The following SORCS3 variants were observed in gnomAD, a reference collection of about 807,000 sequenced individuals.
SORCS3 encodes the protein sortilin related VPS10 domain containing receptor 3.
SORCS3 carries 57 observed loss-of-function variants against 146.3 expected under a neutral mutation model. The ratio of observed to expected loss-of-function variants is 0.39; its 90% CI spans 0.31 to 0.49. SORCS3 has a LOEUF of 0.49. SORCS3 is among the 20% of genes least tolerant of loss of function. The pLI, the probability that SORCS3 is intolerant of heterozygous loss-of-function variation, is 0.92. For missense variants in SORCS3, 1,341 were observed against 1,575.5 expected (o/e 0.85, Z 2.52); for synonymous variants, 653 against 618.5 (o/e 1.06, Z -0.83).
chr10:104,851,054 A>G (rs1258006338), intron 2 of SORCS3, among the ~76,000 whole-genome samples: 4 of 152,240 alleles, frequency 2.6e-5, no homozygotes, highest in Admixed American at 1.3e-4. Flanking sequence ...GCATCATGCA[A>G]TCTATGAAAG....
intron 1 of SORCS3, among the ~76,000 whole-genome samples, chr10:104,718,698 G>C (rs1390160870): frequency 6.6e-6 from 1 of 152,190 alleles, no homozygotes; most frequent in African/African-American, 2.4e-5. Flanking sequence ...GGTGTGTTGA[G>C]TGTGAGAATT....
intron 14 of SORCS3, among the ~76,000 whole-genome samples, chr10:105,188,168 C>T (rs1205841945): frequency 1.3e-5 from 2 of 152,064 alleles, no homozygotes; most frequent in East Asian, 3.8e-4. Flanking sequence ...GAATAACATG[C>T]CAATGAATCA....
intron 5 of SORCS3, among the ~76,000 whole-genome samples, chr10:105,067,879 C>A (rs140662055): frequency 6.6e-6 from 1 of 151,980 alleles, no homozygotes; most frequent in African/African-American, 2.4e-5. Flanking sequence ...TGCATCTTTG[C>A]TTGCTTCTCT....
chr10:105,143,040 C>T (rs1350709758), intron 8 of SORCS3, among the ~76,000 whole-genome samples: 1 of 152,108 alleles, frequency 6.6e-6, no homozygotes, highest in Admixed American at 6.6e-5. Context: ...TTTCTTACTC[C>T]CTATTCTCTC....
At position 104,966,165 on chromosome 10, in the gene SORCS3, GC is replaced by G. The variant is rs1158105057; in HGVS notation, c.796-11165del. Among the ~76,000 whole-genome samples the G allele has an allele frequency of 4.0e-5, 6 of 151,058 alleles. No homozygotes were observed. The South Asian group carries it at 1.3e-3, about 32-fold the overall frequency. ...ACTAGATACCGGAACTCTCTCCCCTGCCCCCAGCTGTGATAATTAACATATC... is the reference window on the plus strand; with the variant it reads ...ACTAGATACCGGAACTCTCTCCCCTGCCCCAGCTGTGATAATTAACATATC... On this transcript the variant is annotated intron_variant, in intron 3 of 26. Transcript: ENST00000369701.
intron 4 of SORCS3, among the ~76,000 whole-genome samples, chr10:105,003,732 A>G (rs1426504212): frequency 6.6e-6 from 1 of 152,048 alleles, no homozygotes; most frequent in African/African-American, 2.4e-5. Context: ...CTAACTTTTC[A>G]TCTGGACCTC....
intron 1 of SORCS3, among the ~76,000 whole-genome samples, chr10:104,811,906 G>A (rs1310035601): frequency 6.6e-6 from 1 of 152,158 alleles, no homozygotes; most frequent in Non-Finnish European, 1.5e-5. Context: ...TGTTATTTGG[G>A]TGATGGATAC....
At position 105,247,321 on chromosome 10, in the gene SORCS3, C is replaced by G; in HGVS notation, c.3095C>G (p.Ala1032Gly). Residue 1032 changes from alanine to glycine, a missense_variant, in exon 22 of 27, where the codon GCT (alanine) becomes GGT (glycine). Transcript: ENST00000369701. ...GATATTGGCAATGTCATCAAGCGAG[C>G]TCTGGTTAAAGTAAGTTGGCTTTGT... Reference protein sequence around the residue: ...RKDIGNVIKRALVKVTSVPED... With the variant: ...RKDIGNVIKRGLVKVTSVPED... 6.2e-7 allele frequency: 1 copy of G among 1,600,786 alleles called. No homozygotes were observed. The highest frequency in any genetic ancestry group is 8.6e-7 in the Non-Finnish European group (1 of 1,168,724).
chr10:104,790,445 A>G (rs2017483774), intron 1 of SORCS3, among the ~76,000 whole-genome samples: 1 of 152,180 alleles, frequency 6.6e-6, no homozygotes, highest in African/African-American at 2.4e-5. Context: ...TGGAGCTCCC[A>G]GGTGGATTGA....
At chr10:104,774,690 C>A (rs760190901) in intron 1 of SORCS3, among the ~76,000 whole-genome samples, 10 of 152,112 alleles carry the variant, frequency 6.6e-5, no homozygotes, top group African/African-American at 1.2e-4. Flanking sequence ...ACATTTAGAA[C>A]TGGAATCTGA....
At position 105,223,213 on chromosome 10, in the gene SORCS3, C is replaced by T. The variant is rs771124843; in HGVS notation, c.2832C>T (p.Thr944=). 1 of 1,612,268 alleles carries T rather than the reference C, an allele frequency of 6.2e-7. No individual in the cohort carries two copies. Among genetic ancestry groups the T allele is most frequent in the African/African-American group, 1.3e-5 (1 of 74,826 alleles). Reference sequence around the variant, plus strand: ...TCGTGTGGCCCAGTCAACTGGGGACCCTTACCTATTTCTGGTGGTTCGGCA... The same window carrying T: ...TCGTGTGGCCCAGTCAACTGGGGACTCTTACCTATTTCTGGTGGTTCGGCA... The part of the protein sequence containing the change: ...SAVVWPSQLG[T]LTYFWWFGNS... Residue 944 remains threonine (T), a synonymous_variant, in exon 20 of 27, where the codon ACC becomes ACT. Coordinates refer to ENST00000369701, the MANE Select transcript of SORCS3 (RefSeq NM_014978.3).
intron 2 of SORCS3, among the ~76,000 whole-genome samples, chr10:104,873,322 T>A (rs2018538502): frequency 6.6e-6 from 1 of 152,212 alleles, no homozygotes; most frequent in African/African-American, 2.4e-5. Flanking sequence ...TTGCTGGAAA[T>A]CCATTCATTC....
intron 2 of SORCS3, among the ~76,000 whole-genome samples, chr10:104,875,882 A>G (rs1027243709): frequency 9.9e-5 from 15 of 152,194 alleles, no homozygotes; most frequent in Admixed American, 7.2e-4. Flanking sequence ...ACCCTATAAC[A>G]TGAAGGTGAA....
intron 1 of SORCS3, among the ~76,000 whole-genome samples, chr10:104,675,673 C>T (rs1055043496): frequency 1.3e-5 from 2 of 152,182 alleles, no homozygotes; most frequent in African/African-American, 2.4e-5. Flanking sequence ...AGGCGTCTTA[C>T]TTGTGTGTCC....
intron 19 of SORCS3, among the ~76,000 whole-genome samples, chr10:105,218,310 C>T (rs2056677301): frequency 6.6e-6 from 1 of 152,214 alleles, no homozygotes; most frequent in Non-Finnish European, 1.5e-5. Flanking sequence ...TGACTGCTAC[C>T]TTGCCTCGTG....
At chr10:104,830,470 A>G (rs2017987772) in intron 1 of SORCS3, among the ~76,000 whole-genome samples, 1 of 152,132 alleles carries the variant, frequency 6.6e-6, no homozygotes, top group South Asian at 2.1e-4. Flanking sequence ...AGAAGAACCC[A>G]GGAGCCTGTG....
chr10:104,785,995 A>C (rs920168821), intron 1 of SORCS3, among the ~76,000 whole-genome samples: 11 of 152,186 alleles, frequency 7.2e-5, no homozygotes, highest in Admixed American at 5.2e-4. Context: ...TGGAGGCTGT[A>C]ATTGCTTTTG....
At chr10:104,807,106 A>G (rs1327196310) in intron 1 of SORCS3, among the ~76,000 whole-genome samples, 2 of 117,390 alleles carry the variant, frequency 1.7e-5, no homozygotes, top group African/African-American at 5.4e-5. Flanking sequence ...CCCAGGAAGC[A>G]TTTTCAGACC....
At chr10:104,728,128 T>C (rs1418383399) in intron 1 of SORCS3, among the ~76,000 whole-genome samples, 5 of 152,174 alleles carry the variant, frequency 3.3e-5, no homozygotes, top group Non-Finnish European at 7.3e-5. Context: ...GGTTTTTTTT[T>C]CTTTTTTAAC....
Sources: allele counts gnomAD v4.1 joint callset (sites outside exome capture counted in the v4.1 genomes callset), GRCh38; gene constraint gnomAD v4.1.1; transcripts MANE v1.5; gene names NCBI Gene and HGNC (gene_info 2026-07-23, HGNC 2026-07-21).